Variants in JAKMIP1 observed in about 807,000 individuals in gnomAD.
The protein encoded by JAKMIP1 is janus kinase and microtubule interacting protein 1, also known as janus kinase and microtubule-interacting protein 1.
JAKMIP1 carries 33 observed loss-of-function variants against 113.0 expected under a neutral mutation model. The ratio of observed to expected loss-of-function variants is 0.29; its 90% CI spans 0.22 to 0.39. The LOEUF is 0.39. Among genes scored for constraint, JAKMIP1 ranks in the 10% least tolerant of loss-of-function variants. The probability of loss-of-function intolerance (pLI) is 1.00; values close to 1 mark genes in which losing one functional copy is unlikely to be tolerated. For synonymous variants in JAKMIP1, 480 were observed against 459.9 expected, an observed-to-expected ratio of 1.04 and a Z score of -0.56; for missense variants, 813 against 1,080.5, an observed-to-expected ratio of 0.75 and a Z score of 3.47.
rs747933346 is a variant in JAKMIP1, at chr4:6,084,827, G to T, written c.954+19C>A. On this transcript the variant is annotated intron_variant, in intron 5 of 20. Transcript: ENST00000409021. ...CCTTGCACCCTATGAGGCACCGCCT[G>T]TCTCTTGGGGCTACTTACCAGTTCA... 2 of 1,608,318 alleles carry T rather than the reference G, an allele frequency of 1.2e-6. No homozygotes were observed. Among genetic ancestry groups the T allele is most frequent in the Non-Finnish European group, 8.5e-7 (1 of 1,178,320 alleles).
At position 6,064,547 on chromosome 4, in the gene JAKMIP1, C is replaced by A. The variant is rs73073453; in HGVS notation, c.1431+333G>T. ...GGACCAGGGAGAGACCATTACGCAG[C>A]AGTTTTAATTGCAAATGGTGAGGAA... On this transcript the variant is annotated intron_variant, in intron 9 of 20. Coordinates refer to ENST00000409021, the MANE Select transcript of JAKMIP1 (RefSeq NM_001099433.2). The surrounding 1 kb of genome is among the most constrained non-coding windows in gnomAD (Gnocchi z 4.3). Among the ~76,000 whole-genome samples, 3,229 of 152,314 alleles carry A rather than the reference C, an allele frequency of 0.021. 53 individuals are homozygous for A. The highest frequency in any genetic ancestry group is 0.068 in the South Asian group (326 of 4,826).
Position 6,042,604 on chromosome 4 carries a change from A to T in JAKMIP1, c.2029-377T>A, listed in dbSNP as rs1578068330. The stretch of plus-strand genomic sequence containing the variant: ...ACAGGAGACCTCATCTGACTCTCTT[A>T]CGACCACCCCAAGCAGTAGGCAGCG... On this transcript the variant is annotated intron_variant, in intron 16 of 20. Transcript: ENST00000409021. The surrounding 1 kb of genome is among the most constrained non-coding windows in gnomAD (Gnocchi z 5.2). Among the ~76,000 whole-genome samples the T allele has an allele frequency of 6.6e-6, 1 of 151,936 alleles. No individual in the cohort carries two copies. Among genetic ancestry groups the T allele is most frequent in the South Asian group, 2.1e-4 (1 of 4,804 alleles).
chr4:6,033,353 T>C (rs1712992177), intron 19 of JAKMIP1, among the ~76,000 whole-genome samples: 1 of 152,198 alleles, frequency 6.6e-6, no homozygotes, highest in Non-Finnish European at 1.5e-5. Context: ...CCAGAGCACC[T>C]GGTTGTGTTA....
rs1720434346 is a variant in JAKMIP1, at chr4:6,143,441, G to A, written c.-147-30444C>T. Among the ~76,000 whole-genome samples, 1 of 152,130 alleles carries A rather than the reference G, an allele frequency of 6.6e-6. No homozygotes were observed. Among genetic ancestry groups the A allele is most frequent in the Non-Finnish European group, 1.5e-5 (1 of 68,028 alleles). ...TGAACCCAGGCTGGTAAGAGTCAAC[G>A]GGTCCCCTCTGGAGCCAGCATGTGC... On this transcript the variant is annotated intron_variant, in intron 1 of 20. Transcript: ENST00000409021. The surrounding 1 kb of genome is among the most constrained non-coding windows in gnomAD (Gnocchi z 4.9).
At position 6,088,595 on chromosome 4, in the gene JAKMIP1, G is replaced by C. The variant is rs1721619907; in HGVS notation, c.625-2966C>G. ...AAAATATTCTCAAACAGCAGAGATG[G>C]CATCTAGAAACGGACGGAGGGCCAA... On this transcript the variant is annotated intron_variant, in intron 3 of 20. Transcript: ENST00000409021. The surrounding 1 kb of genome is among the most constrained non-coding windows in gnomAD (Gnocchi z 5.5). Among the ~76,000 whole-genome samples the C allele has an allele frequency of 6.6e-6, 1 of 152,184 alleles. No individual in the cohort carries two copies. The highest frequency in any genetic ancestry group is 6.5e-5 in the Admixed American group (1 of 15,274).
intron 1 of JAKMIP1, among the ~76,000 whole-genome samples, chr4:6,172,511 G>C (rs1419048896): frequency 6.6e-6 from 1 of 151,728 alleles, no homozygotes; most frequent in Non-Finnish European, 1.5e-5. Flanking sequence ...CTGACCCCTG[G>C]GGAGGAGAGA....
At chr4:6,096,949 C>A (rs778414869) in intron 3 of JAKMIP1, among the ~76,000 whole-genome samples, 1 of 152,182 alleles carries the variant, frequency 6.6e-6, no homozygotes, top group Non-Finnish European at 1.5e-5. Flanking sequence ...ACTGTCTCAG[C>A]CACCCAAGTT....
intron 1 of JAKMIP1, among the ~76,000 whole-genome samples, chr4:6,127,491 G>A (rs1010607075): frequency 2.0e-5 from 3 of 152,240 alleles, no homozygotes; most frequent in African/African-American, 4.8e-5. Flanking sequence ...GGGGAGGATC[G>A]GTTGTCAGCC....
In JAKMIP1 at chr4:6,138,330, C is replaced by T. The variant is rs1719566180; in HGVS notation, c.-147-25333G>A. 6.6e-6 allele frequency among the ~76,000 whole-genome samples: 1 copy of T among 152,116 alleles called. No homozygotes were observed. The highest frequency in any genetic ancestry group is 1.5e-5 in the Non-Finnish European group (1 of 68,024). Reference sequence around the variant, plus strand: ...TGGTGCAATATTGGCTCACTGCAACCTCTGCCTCCTGGGTTCAAGCGATTC... The same window carrying T: ...TGGTGCAATATTGGCTCACTGCAACTTCTGCCTCCTGGGTTCAAGCGATTC... On this transcript the variant is annotated intron_variant, in intron 1 of 20. Coordinates refer to ENST00000409021, the MANE Select transcript of JAKMIP1 (RefSeq NM_001099433.2). The surrounding 1 kb of genome is among the most constrained non-coding windows in gnomAD (Gnocchi z 6.0).
At chr4:6,055,506 G>A (rs1716266208) in intron 12 of JAKMIP1, among the ~76,000 whole-genome samples, 1 of 152,222 alleles carries the variant, frequency 6.6e-6, no homozygotes, top group Non-Finnish European at 1.5e-5. Flanking sequence ...TTATGGGTCA[G>A]CTGCACTGGG....
At chr4:6,054,228 G>T in intron 12 of JAKMIP1, 80 bp from the exon 13 acceptor site, 1 of 1,426,900 alleles carries the variant, frequency 7.0e-7, no homozygotes, top group Non-Finnish European at 9.8e-7. Flanking sequence ...TGACTGAGTG[G>T]CTGGAGGGAA....
In JAKMIP1 at chr4:6,129,234, A is replaced by G. The variant is rs1327386358; in HGVS notation, c.-147-16237T>C. Among the ~76,000 whole-genome samples the G allele has an allele frequency of 6.6e-6, 1 of 152,206 alleles. No homozygotes were observed. Among genetic ancestry groups the G allele is most frequent in the African/African-American group, 2.4e-5 (1 of 41,452 alleles). Reference sequence around the variant, plus strand: ...CAGGTTTCCTGATTCCTTGATAAAAATAGTCCCCCCTTCTGCAGAATCAAG... The same window carrying G: ...CAGGTTTCCTGATTCCTTGATAAAAGTAGTCCCCCCTTCTGCAGAATCAAG... On this transcript the variant is annotated intron_variant, in intron 1 of 20. Coordinates refer to ENST00000409021, the MANE Select transcript of JAKMIP1 (RefSeq NM_001099433.2). This position sits in a 1 kb window ranked among gnomAD's most constrained non-coding sequence, Gnocchi z 5.4.
In JAKMIP1 at chr4:6,154,191, G is replaced by A. The variant is rs2108990167; in HGVS notation, c.-147-41194C>T. On this transcript the variant is annotated intron_variant, in intron 1 of 20. Transcript: ENST00000409021. The surrounding 1 kb of genome is among the most constrained non-coding windows in gnomAD (Gnocchi z 4.2). ...CTCGCAGGAGGGAAGACAGAGCGGA[G>A]CTGGACACAGGCGGAGGCTGAAGAA... Among the ~76,000 whole-genome samples, 1 of 152,366 alleles carries A rather than the reference G, an allele frequency of 6.6e-6. No individual in the cohort carries two copies. Among genetic ancestry groups the A allele is most frequent in the East Asian group, 1.9e-4 (1 of 5,188 alleles).
chr4:6,074,161 G>A (rs1013496372), intron 8 of JAKMIP1, among the ~76,000 whole-genome samples: 2 of 152,252 alleles, frequency 1.3e-5, no homozygotes. Flanking sequence ...GATAGGCCCA[G>A]TAAGGCAGAG....
Position 6,184,628 on chromosome 4 carries a change from A to G in JAKMIP1, c.-148+15625T>C, listed in dbSNP as rs1726432067. 6.6e-6 allele frequency among the ~76,000 whole-genome samples: 1 copy of G among 152,226 alleles called. No homozygotes were observed. Among genetic ancestry groups the G allele is most frequent in the Admixed American group, 6.5e-5 (1 of 15,282 alleles). On this transcript the variant is annotated intron_variant, in intron 1 of 20. Transcript: ENST00000409021. The surrounding 1 kb of genome is among the most constrained non-coding windows in gnomAD (Gnocchi z 4.5). ...ACAAGGGTCCCCCGCGCTCACCTGTAGATTCAGCAAGAGAGCAGGGGTGAT... is the reference window on the plus strand; with the variant it reads ...ACAAGGGTCCCCCGCGCTCACCTGTGGATTCAGCAAGAGAGCAGGGGTGAT...
chr4:6,091,282 C>T lies in JAKMIP1; in HGVS notation c.625-5653G>A, dbSNP rs112619838. ...TTTTTGTTTGGCACTGAAATGGAAA[C>T]GGAGCCTTTGTGATACTGGATCCCT... On this transcript the variant is annotated intron_variant, in intron 3 of 20. Coordinates refer to ENST00000409021, the MANE Select transcript of JAKMIP1 (RefSeq NM_001099433.2). Among the ~76,000 whole-genome samples, 41 of 152,248 alleles carry T rather than the reference C, an allele frequency of 2.7e-4. No individual in the cohort carries two copies. In the Middle Eastern group the frequency reaches 0.01, roughly 38 times the overall value.
chr4:6,043,595 C>T (rs59609222), intron 16 of JAKMIP1, among the ~76,000 whole-genome samples: 5 of 151,640 alleles, frequency 3.3e-5, no homozygotes, highest in African/African-American at 4.9e-5. Flanking sequence ...GGGAAGAGTG[C>T]CCCCTCCTTC....
Position 6,054,152 on chromosome 4 carries a change from G to T in JAKMIP1, c.1708-4C>A, listed in dbSNP as rs200225915. On this transcript the variant is annotated splice_region_variant and splice_polypyrimidine_tract_variant and intron_variant, in intron 12 of 20. Transcript: ENST00000409021. ...CTTCCATTTCCAGTCTGTAAATCTA[G>T]AGCAAAGATACCTGCGGATTAACAG... is the stretch of plus-strand genomic sequence containing the variant. 1 of 1,613,938 alleles carries T rather than the reference G, an allele frequency of 6.2e-7. No individual in the cohort carries two copies. Among genetic ancestry groups the T allele is most frequent in the African/African-American group, 1.3e-5 (1 of 74,920 alleles).
chr4:6,101,737 A>G (rs1318424301), intron 3 of JAKMIP1, among the ~76,000 whole-genome samples: 1 of 138,124 alleles, frequency 7.2e-6, no homozygotes, highest in Non-Finnish European at 1.6e-5. Context: ...AAATACAAAA[A>G]AAAAAAAAAA....
Sources: allele counts gnomAD v4.1 joint callset (sites outside exome capture counted in the v4.1 genomes callset), GRCh38; gene constraint gnomAD v4.1.1; non-coding constraint Gnocchi (gnomAD v3.1); transcripts MANE v1.5; gene names NCBI Gene and HGNC (gene_info 2026-07-23, HGNC 2026-07-21).